Variants in FGFR2 observed in about 807,000 individuals in gnomAD.
The protein encoded by FGFR2 is fibroblast growth factor receptor 2, also known as BEK fibroblast growth factor receptor.
FGFR2 carries 19 observed loss-of-function variants against 95.9 expected under a neutral mutation model. That is an observed-to-expected ratio of 0.20 (90% CI 0.14 to 0.29). The LOEUF (loss-of-function observed/expected upper bound fraction) is 0.29. Among genes scored for constraint, FGFR2 ranks in the 10% least tolerant of loss-of-function variants. The probability of loss-of-function intolerance (pLI) is 1.00; values close to 1 mark genes in which losing one functional copy is unlikely to be tolerated. For synonymous variants in FGFR2, 392 were observed against 393.3 expected, an observed-to-expected ratio of 1.00 and a Z score of 0.04; for missense variants, 707 against 1,056.9, an observed-to-expected ratio of 0.67 and a Z score of 4.59.
chr10:121,538,761 G>A (rs200225799), intron 5 of FGFR2, 46 bp from the exon 6 acceptor site: 42 of 1,613,734 alleles, frequency 2.6e-5, no homozygotes, highest in Non-Finnish European at 3.5e-5. Context: ...TCCTAGCACA[G>A]AATACCAAGT....
At chr10:121,582,154 AC>A (rs1861034033) in intron 2 of FGFR2, among the ~76,000 whole-genome samples, 1 of 148,080 alleles carries the variant, frequency 6.8e-6, no homozygotes, top group African/African-American at 2.5e-5. Flanking sequence ...CTAGTCTCAA[AC>A]TCCTCACCTC....
intron 4 of FGFR2, among the ~76,000 whole-genome samples, chr10:121,559,111 GAAAAAAA>G (rs904279035): frequency 1.2e-3 from 66 of 55,232 alleles, no homozygotes; most frequent in Non-Finnish European, 1.6e-3. Context: ...TCCAAAAGGA[GAAAAAAA>G]AAAAAAAAAA....
At chr10:121,567,698 C>G (rs116941087) in intron 2 of FGFR2, among the ~76,000 whole-genome samples, 1 of 152,192 alleles carries the variant, frequency 6.6e-6, no homozygotes, top group Non-Finnish European at 1.5e-5. Flanking sequence ...CAGGAGGTGG[C>G]GGATGATGGC....
At chr10:121,493,172 T>C (rs1268455173) in intron 13 of FGFR2, among the ~76,000 whole-genome samples, 2 of 152,202 alleles carry the variant, frequency 1.3e-5, no homozygotes. Flanking sequence ...CTACGTAAGA[T>C]GCTTTATGTC....
At chr10:121,569,911 CAT>C (rs1858345228) in intron 2 of FGFR2, among the ~76,000 whole-genome samples, 1 of 152,136 alleles carries the variant, frequency 6.6e-6, no homozygotes, top group Admixed American at 6.5e-5. Flanking sequence ...TCTGCAAGCA[CAT>C]GTTAGGGAGA....
intron 5 of FGFR2, among the ~76,000 whole-genome samples, chr10:121,548,258 T>TTTTTTTTTTTTTG (rs1854843357): frequency 7.9e-6 from 1 of 126,544 alleles, no homozygotes; most frequent in Non-Finnish European, 1.6e-5. Context: ...TTTTTTTTTT[T>TTTTTTTTTTTTTG]TTTTTTTTTT....
chr10:121,490,982 C>T (rs1846056442), intron 13 of FGFR2, among the ~76,000 whole-genome samples: 1 of 152,152 alleles, frequency 6.6e-6, no homozygotes, highest in East Asian at 1.9e-4. Context: ...CAGCCCTGTT[C>T]CCAGTTTTGG....
At chr10:121,507,831 G>A (rs1848525080) in intron 9 of FGFR2, among the ~76,000 whole-genome samples, 1 of 152,122 alleles carries the variant, frequency 6.6e-6, no homozygotes, top group Admixed American at 6.5e-5. Context: ...AGCCTAGGGT[G>A]GTTCTGTGTG....
intron 5 of FGFR2, among the ~76,000 whole-genome samples, chr10:121,542,909 G>A (rs1853974859): frequency 6.6e-6 from 1 of 152,144 alleles, no homozygotes; most frequent in Non-Finnish European, 1.5e-5. Flanking sequence ...AAGGGTGAAA[G>A]GTTAAAGACC....
rs193144964 is a variant in FGFR2, at chr10:121,515,322, A to G, written c.1085-3T>C. 2.2e-5 allele frequency: 36 copies of G among 1,614,024 alleles called. No homozygotes were observed. In the African/African-American group the frequency reaches 4.8e-4, roughly 22 times the overall value. On this transcript the variant is annotated splice_region_variant and splice_polypyrimidine_tract_variant and intron_variant, in intron 8 of 17. Transcript: ENST00000358487. Reference sequence around the variant, plus strand: ...AATCTCCTTTTCTCTTCCAGGCGCTAGATTGCAGATCACAGGAGGAGGAAC... The same window carrying G: ...AATCTCCTTTTCTCTTCCAGGCGCTGGATTGCAGATCACAGGAGGAGGAAC...
rs201270816 is a variant in FGFR2 at position 121,479,029 on chromosome 10, T to C, written c.*828A>G. The stretch of plus-strand genomic sequence containing the variant: ...GGGCATTTAGGAGGTCTAAGAACAA[T>C]CGTCTGACAGCAGCATTTAAACACA... On this transcript the variant is annotated 3_prime_UTR_variant, in exon 18 of 18. Transcript: ENST00000358487. 4 of 233,228 alleles carry C rather than the reference T, an allele frequency of 1.7e-5. No homozygotes were observed. Among genetic ancestry groups the C allele is most frequent in the African/African-American group, 8.8e-5 (4 of 45,328 alleles). 14.4% of individuals were successfully genotyped at this position (233,228 alleles called of 1,614,324 possible).
chr10:121,517,537 A>C lies in FGFR2; in HGVS notation c.940-74T>G. On this transcript the variant is annotated intron_variant, in intron 7 of 17. Transcript: ENST00000358487. This position sits in a 1 kb window ranked among gnomAD's most constrained non-coding sequence, Gnocchi z 4.7. ...TTGTGGAGGGGGCTGTGGAACCACA[A>C]GGCGTCGCACCGGGGGCTTCAGGGG... 6.3e-7 allele frequency: 1 copy of C among 1,588,774 alleles called. No homozygotes were observed. The highest frequency in any genetic ancestry group is 8.6e-7 in the Non-Finnish European group (1 of 1,160,092).
intron 3 of FGFR2, among the ~76,000 whole-genome samples, chr10:121,564,931 T>G (rs530891303): frequency 6.6e-6 from 1 of 152,328 alleles, no homozygotes; most frequent in East Asian, 1.9e-4. Context: ...CCTTTCAGTA[T>G]GCGGGGTCTC....
chr10:121,510,121 T>C (rs531682461), intron 9 of FGFR2, among the ~76,000 whole-genome samples: 1 of 152,314 alleles, frequency 6.6e-6, no homozygotes, highest in African/African-American at 2.4e-5. Context: ...GCTTCTGAAG[T>C]TGCATTTTTA....
At chr10:121,581,466 T>C (rs1860848827) in intron 2 of FGFR2, among the ~76,000 whole-genome samples, 1 of 149,722 alleles carries the variant, frequency 6.7e-6, no homozygotes, top group Non-Finnish European at 1.5e-5. Context: ...GCCTCAGGTG[T>C]GGTGGCTAAC....
At chr10:121,500,722 C>G in intron 11 of FGFR2, 104 bp downstream of exon 11, 1 of 1,502,922 alleles carries the variant, frequency 6.7e-7, no homozygotes, top group Non-Finnish European at 9.1e-7. Flanking sequence ...CAACTATGTG[C>G]TCTCTGACCC....
chr10:121,542,014 A>G lies in FGFR2; in HGVS notation c.625-3299T>C, dbSNP rs41295473. Among the ~76,000 whole-genome samples the G allele has an allele frequency of 6.3e-3, 966 of 152,346 alleles. 11 individuals carry two copies. The highest frequency in any genetic ancestry group is 0.022 in the African/African-American group (922 of 41,582). On this transcript the variant is annotated intron_variant, in intron 5 of 17. Coordinates refer to ENST00000358487, the MANE Select transcript of FGFR2 (RefSeq NM_000141.5). ...GCAAAAAACTGTCAAGGAGAGAGAC[A>G]TTAAGAATGCATAGTTCATCCTGTA... is the stretch of plus-strand genomic sequence containing the variant.
intron 6 of FGFR2, among the ~76,000 whole-genome samples, chr10:121,528,448 A>G (rs1319230959): frequency 6.6e-6 from 1 of 152,214 alleles, no homozygotes; most frequent in African/African-American, 2.4e-5. Context: ...ACATAGAGGG[A>G]TGTCCATTGT....
chr10:121,573,569 G>A (rs1853924920), intron 2 of FGFR2, among the ~76,000 whole-genome samples: 1 of 152,064 alleles, frequency 6.6e-6, no homozygotes, highest in South Asian at 2.1e-4. Flanking sequence ...GGAAAAAGGA[G>A]AGGAGAGACG....
Sources: gnomAD v4.1 joint callset for allele counts (sites outside exome capture counted in the v4.1 genomes callset) on GRCh38, gnomAD v4.1.1 for gene constraint, Gnocchi (gnomAD v3.1) non-coding constraint, MANE v1.5 for transcripts, NCBI Gene and HGNC (gene_info 2026-07-23, HGNC 2026-07-21) for gene names.